Variants in ANKRD17 observed in about 807,000 individuals in gnomAD.
ANKRD17 encodes the protein ankyrin repeat domain 17.
In ANKRD17, 19 loss-of-function variants were observed where a neutral mutation model predicts 229.7. The ratio of observed to expected loss-of-function variants is 0.08; its 90% CI spans 0.06 to 0.12. ANKRD17 has a LOEUF of 0.12. ANKRD17 is among the 10% of genes least tolerant of loss of function. The probability of loss-of-function intolerance (pLI) is 1.00; values close to 1 mark genes in which losing one functional copy is unlikely to be tolerated. For synonymous variants in ANKRD17, 1,112 were observed against 1,146.1 expected (o/e 0.97, Z 0.60); for missense variants, 2,176 against 3,176.8 (o/e 0.68, Z 7.57).
At chr4:73,189,548 C>T in intron 1 of ANKRD17, among the ~76,000 whole-genome samples, 1 of 152,040 alleles carries the variant, frequency 6.6e-6, no homozygotes. Context: ...AGGCGGTCAC[C>T]ACCATGCCTG....
chr4:73,138,954 G>C (rs961325731), intron 15 of ANKRD17, among the ~76,000 whole-genome samples: 2 of 151,868 alleles, frequency 1.3e-5, no homozygotes, highest in Non-Finnish European at 2.9e-5. Context: ...GTTAGAAAGA[G>C]ACTACACATT....
chr4:73,113,200 G>GA (rs1725536746), intron 24 of ANKRD17: 1 of 1,288,290 alleles, frequency 7.8e-7, no homozygotes, highest in African/African-American at 1.5e-5. Context: ...AATTATAGGG[G>GA]AAAATGTGGC....
chr4:73,116,443 A>C (rs1172216977), intron 22 of ANKRD17, among the ~76,000 whole-genome samples: 1 of 152,134 alleles, frequency 6.6e-6, no homozygotes, highest in East Asian at 1.9e-4. Context: ...CTAAGTTCAA[A>C]ATCTTTAGAC....
chr4:73,142,685 C>T lies in ANKRD17; in HGVS notation c.2040G>A (p.Val680=). 1 of 1,614,018 alleles carries T rather than the reference C, an allele frequency of 6.2e-7. No individual in the cohort carries two copies. Among genetic ancestry groups the T allele is most frequent in the Non-Finnish European group, 8.5e-7 (1 of 1,179,962 alleles). The change falls in exon 12 of 34, where the codon GTG becomes GTA. Residue 680 remains valine, a synonymous_variant. Coordinates refer to ENST00000358602, the MANE Select transcript of ANKRD17 (RefSeq NM_032217.5). ...LACAGGHLAV[V]ELLLAHGADP... is the part of the protein sequence containing the mutation. ...CTGCCCCATGAGCCAAAAGTAGTTCCACCACTGCCAGATGACCCCCTGCAC... is the reference window on the plus strand; with the variant it reads ...CTGCCCCATGAGCCAAAAGTAGTTCTACCACTGCCAGATGACCCCCTGCAC...
rs1467086274 is a variant in ANKRD17 at position 73,091,261 on chromosome 4, G to T, written c.6367C>A (p.Leu2123Ile). The change falls in exon 29 of 34, where the codon CTT (leucine) becomes ATT (isoleucine). Residue 2123 changes from leucine to isoleucine, a missense_variant. Leu to Ile is a conservative substitution (Grantham distance 5, BLOSUM62 2). This residue lies in a region of ANKRD17 where 424 missense variants were observed against 454.0 expected (regional missense o/e 0.93). Transcript: ENST00000358602. ...GGGGGAGGAACCTGAGACTGCTGAAGAGGTGGTCTTGGTTCCTGAGAAACA... is the reference window on the plus strand; with the variant it reads ...GGGGGAGGAACCTGAGACTGCTGAATAGGTGGTCTTGGTTCCTGAGAAACA... The part of the protein sequence containing the change: ...GSVSQEPRPP[L>I]QQSQVPPPEV... 3 of 1,614,106 alleles carry T rather than the reference G, an allele frequency of 1.9e-6. No homozygotes were observed. In the African/African-American group the frequency reaches 4.0e-5, roughly 22 times the overall value.
In ANKRD17 at chr4:73,125,152, T is replaced by C. The variant is rs1162337319; in HGVS notation, c.3346+49A>G. ...AGGACTAAAAAATAATGTTCCTAAA[T>C]AAATTTTTTGACCAGTATTCCAAAA... On this transcript the variant is annotated intron_variant, in intron 17 of 33. Transcript: ENST00000358602. 7 of 1,591,434 alleles carry C rather than the reference T, an allele frequency of 4.4e-6. No homozygotes were observed. In the Admixed American group the frequency reaches 1.3e-4, roughly 29 times the overall value.
At chr4:73,240,929 C>A (rs1433020997) in intron 1 of ANKRD17, among the ~76,000 whole-genome samples, 2 of 151,584 alleles carry the variant, frequency 1.3e-5, no homozygotes, top group Non-Finnish European at 2.9e-5. Context: ...CTGCCTCAGC[C>A]TCCCGAGTAG....
At chr4:73,109,671 G>A (rs887179706) in intron 24 of ANKRD17, among the ~76,000 whole-genome samples, 3 of 152,136 alleles carry the variant, frequency 2.0e-5, no homozygotes, top group African/African-American at 4.8e-5. Context: ...TAAAGGGCTA[G>A]GGAAATCTAG....
At chr4:73,239,180 A>T (rs1431751728) in intron 1 of ANKRD17, among the ~76,000 whole-genome samples, 2 of 152,172 alleles carry the variant, frequency 1.3e-5, no homozygotes, top group African/African-American at 4.8e-5. Flanking sequence ...TTGAAAGCTG[A>T]TGTTTGACCT....
intron 1 of ANKRD17, among the ~76,000 whole-genome samples, chr4:73,190,364 G>A (rs888341801): frequency 2.0e-5 from 3 of 151,990 alleles, no homozygotes; most frequent in East Asian, 1.9e-4. Flanking sequence ...ATGAGATTCC[G>A]TCTCAATAAA....
Position 73,139,567 on chromosome 4 carries a change from G to T in ANKRD17, c.3049C>A (p.Gln1017Lys). 1 of 1,614,070 alleles carries T rather than the reference G, an allele frequency of 6.2e-7. No homozygotes were observed. The highest frequency in any genetic ancestry group is 1.1e-5 in the South Asian group (1 of 91,058). ...QQGLMVASPA[Q>K]TLNDTLDDIM... ...TCATCCAGCGTGTCATTGAGGGTCT[G>T]AGCAGGGCTGGCTACCATTAACCCT... Residue 1017 changes from glutamine (Q) to lysine (K), a missense_variant, in exon 15 of 34, where the codon CAG (glutamine) becomes AAG (lysine). Physicochemically the swap from Gln to Lys is moderately conservative, Grantham distance 53. Transcript: ENST00000358602.
At chr4:73,184,385 C>A (rs1405207931) in intron 1 of ANKRD17, among the ~76,000 whole-genome samples, 3 of 151,538 alleles carry the variant, frequency 2.0e-5, no homozygotes, top group African/African-American at 7.3e-5. Flanking sequence ...AAAAATTAGC[C>A]AGGTGTTGTG....
intron 25 of ANKRD17, 57 bp downstream of exon 25, chr4:73,102,319 T>A (rs1724109949): frequency 6.6e-7 from 1 of 1,507,224 alleles, no homozygotes; most frequent in African/African-American, 1.4e-5. Flanking sequence ...GATAATCAAG[T>A]AAATATAATT....
At chr4:73,080,438 T>C (rs751616880) in intron 30 of ANKRD17, among the ~76,000 whole-genome samples, 24 of 152,206 alleles carry the variant, frequency 1.6e-4, no homozygotes, top group Non-Finnish European at 3.1e-4. Flanking sequence ...TAAAAGAATA[T>C]TTTAGCTAAA....
At chr4:73,184,269 G>A (rs549478813) in intron 1 of ANKRD17, among the ~76,000 whole-genome samples, 8 of 152,174 alleles carry the variant, frequency 5.3e-5, no homozygotes, top group East Asian at 1.9e-4. Context: ...GGTGGCTCAC[G>A]CCTAATCCCA....
chr4:73,205,972 T>C (rs750819802), intron 1 of ANKRD17, among the ~76,000 whole-genome samples: 3 of 152,090 alleles, frequency 2.0e-5, no homozygotes, highest in Non-Finnish European at 4.4e-5. Context: ...GGCCAATGGA[T>C]GTGGAAAAAA....
At chr4:73,204,514 C>G (rs1237851141) in intron 1 of ANKRD17, among the ~76,000 whole-genome samples, 15 of 151,914 alleles carry the variant, frequency 9.9e-5, no homozygotes, top group Admixed American at 9.8e-4. Context: ...CAGACAAGCA[C>G]TATAAAAAAT....
At chr4:73,104,607 C>A (rs1724390259) in intron 24 of ANKRD17, among the ~76,000 whole-genome samples, 1 of 152,010 alleles carries the variant, frequency 6.6e-6, no homozygotes, top group Non-Finnish European at 1.5e-5. Context: ...ACAGAAAAAT[C>A]CTGGGAAAGG....
chr4:73,090,802 A>T lies in ANKRD17; in HGVS notation c.6826T>A (p.Ser2276Thr). 6.2e-7 allele frequency: 1 copy of T among 1,614,218 alleles called. No homozygotes were observed. Among genetic ancestry groups the T allele is most frequent in the Non-Finnish European group, 8.5e-7 (1 of 1,180,046 alleles). ...HAFWGGSVVS[S>T]QSTPESMLSG... is the part of the protein sequence containing the mutation. ...AGCATAGATTCTGGTGTTGACTGAG[A>T]TGAAACAACAGATCCTCCCCAGAAG... Residue 2276 changes from serine (S) to threonine (T), a missense_variant, in exon 29 of 34, where the codon TCT (serine) becomes ACT (threonine). This residue lies in a region of ANKRD17 where 424 missense variants were observed against 454.0 expected (regional missense o/e 0.93). Transcript: ENST00000358602.
Sources: gnomAD v4.1 joint callset for allele counts (sites outside exome capture counted in the v4.1 genomes callset) on GRCh38, gnomAD v4.1.1 for gene constraint, gnomAD v4.1.1 regional missense constraint, MANE v1.5 for transcripts, NCBI Gene and HGNC (gene_info 2026-07-23, HGNC 2026-07-21) for gene names.